RALYL: variants seen among roughly 807,000 people sequenced by gnomAD.
RALYL encodes the protein RNA-binding Raly-like protein.
RALYL carries 29 observed loss-of-function variants against 35.1 expected under a neutral mutation model. That is an observed-to-expected ratio of 0.83 (90% confidence interval 0.61 to 1.13). The LOEUF (loss-of-function observed/expected upper bound fraction) is 1.13. Ranked by LOEUF, RALYL falls within the 50% of genes most tolerant of loss-of-function variation. The pLI is 0.00. For missense variants in RALYL, 359 were observed against 360.4 expected (o/e 1.00, Z 0.03); for synonymous variants, 120 against 127.6 (o/e 0.94, Z 0.40).
At chr8:84,625,670 T>G (rs1822564971) in intron 2 of RALYL, among the ~76,000 whole-genome samples, 2 of 152,230 alleles carry the variant, frequency 1.3e-5, no homozygotes, top group Non-Finnish European at 2.9e-5. Flanking sequence ...TTAAGCAACT[T>G]GCCAACAATG....
rs561378623 is a variant in RALYL, at chr8:84,578,663, C to T, written c.256+49086C>T. Among the ~76,000 whole-genome samples, 14 of 152,148 alleles carry T rather than the reference C, an allele frequency of 9.2e-5. No individual in the cohort carries two copies. In the East Asian group the frequency reaches 2.7e-3, roughly 30 times the overall value. On this transcript the variant is annotated intron_variant, in intron 2 of 8. Coordinates refer to ENST00000521268, the MANE Select transcript of RALYL (RefSeq NM_173848.7). The stretch of plus-strand genomic sequence containing the variant: ...AGACCCAAAGTGGGTAGCTCCTATC[C>T]ACAGGCACGTTGTCCTGACAAGTCT...
chr8:84,379,668 A>G (rs1340454868), intron 1 of RALYL, among the ~76,000 whole-genome samples: 1 of 151,880 alleles, frequency 6.6e-6, no homozygotes, highest in African/African-American at 2.4e-5. Context: ...CAAACAAAAA[A>G]CAAAAACAAA....
At chr8:84,550,365 A>G (rs944677743) in intron 2 of RALYL, among the ~76,000 whole-genome samples, 2 of 152,112 alleles carry the variant, frequency 1.3e-5, no homozygotes, top group Admixed American at 1.3e-4. Context: ...AACAGTAAAG[A>G]TATTTTCTAA....
intron 1 of RALYL, among the ~76,000 whole-genome samples, chr8:84,295,739 G>C (rs1351991818): frequency 2.6e-5 from 4 of 152,084 alleles, no homozygotes; most frequent in Admixed American, 2.6e-4. Flanking sequence ...ATATGAAATA[G>C]TCATGTCAAA....
chr8:84,490,079 A>ATGTGTGTGTGTGTG (rs143193843), intron 1 of RALYL, among the ~76,000 whole-genome samples: 26 of 144,468 alleles, frequency 1.8e-4, no homozygotes, highest in South Asian at 1.4e-3. Context: ...GCTTGCGTGC[A>ATGTGTGTGTGTGTG]TGTGTGTGTG....
intron 5 of RALYL, among the ~76,000 whole-genome samples, chr8:84,851,223 C>T (rs56114129): frequency 0.4 from 60,280 of 151,838 alleles, 12,392 homozygotes; most frequent in East Asian, 0.63. Flanking sequence ...AATCAATGAA[C>T]AGCAAAAAAA....
chr8:84,820,209 A>C (rs1014409547), intron 4 of RALYL, among the ~76,000 whole-genome samples: 4 of 152,190 alleles, frequency 2.6e-5, no homozygotes, highest in African/African-American at 9.7e-5. Context: ...GGTTGTAGCA[A>C]TCCTCACCAT....
intron 1 of RALYL, among the ~76,000 whole-genome samples, chr8:84,206,974 C>A (rs1818203223): frequency 6.6e-6 from 1 of 152,084 alleles, no homozygotes; most frequent in Admixed American, 6.6e-5. Flanking sequence ...AATGAGATAT[C>A]ACCTCACCTA....
intron 1 of RALYL, among the ~76,000 whole-genome samples, chr8:84,469,431 G>A (rs1436639253): frequency 6.6e-6 from 1 of 152,292 alleles, no homozygotes; most frequent in South Asian, 2.1e-4. Context: ...CCCTGCTGGG[G>A]GGTGCCTCCC....
intron 8 of RALYL, among the ~76,000 whole-genome samples, chr8:84,896,973 C>T (rs868183198): frequency 6.6e-6 from 1 of 152,126 alleles, no homozygotes; most frequent in Non-Finnish European, 1.5e-5. Flanking sequence ...CCAAATACTA[C>T]ATGAAATGTA....
In RALYL at chr8:84,183,937, A is replaced by C. The variant is rs942836543; in HGVS notation, c.-511A>C. The C allele has an allele frequency of 6.6e-6, 1 of 152,240 alleles. No homozygotes were observed. Among genetic ancestry groups the C allele is most frequent in the South Asian group, 2.1e-4 (1 of 4,810 alleles). 9.4% of individuals were successfully genotyped at this position (152,240 alleles called of 1,614,324 possible). A position where few individuals can be genotyped will look rare whatever the true frequency, so the allele number is the denominator to read the frequency against. On this transcript the variant is annotated 5_prime_UTR_variant, in exon 1 of 9. Transcript: ENST00000521268. ...AGCATGTTTCTAACTCTTTTTTTGC[A>C]TACTCTTTTTCTGATAACATTTTTG...
chr8:84,630,514 GGAT>G (rs1823684426), intron 2 of RALYL, among the ~76,000 whole-genome samples: 1 of 152,002 alleles, frequency 6.6e-6, no homozygotes, highest in South Asian at 2.1e-4. Context: ...TAAGTGGGAA[GGAT>G]GATGCAGTTT....
intron 2 of RALYL, among the ~76,000 whole-genome samples, chr8:84,612,257 CA>C (rs2130894113): frequency 6.6e-6 from 1 of 151,892 alleles, no homozygotes; most frequent in Admixed American, 6.6e-5. Flanking sequence ...TTAAAAAAAA[CA>C]GCATGAAAAG....
At chr8:84,720,098 C>G (rs1843619836) in intron 2 of RALYL, among the ~76,000 whole-genome samples, 1 of 152,024 alleles carries the variant, frequency 6.6e-6, no homozygotes, top group Admixed American at 6.6e-5. Flanking sequence ...GGATTCCAAT[C>G]TTTTTTATGG....
intron 2 of RALYL, among the ~76,000 whole-genome samples, chr8:84,601,942 T>C (rs1164505065): frequency 6.6e-6 from 1 of 152,150 alleles, no homozygotes; most frequent in African/African-American, 2.4e-5. Context: ...TAGTCACACT[T>C]TATTTTCTCT....
At chr8:84,293,326 T>G (rs1839127809) in intron 1 of RALYL, among the ~76,000 whole-genome samples, 1 of 152,170 alleles carries the variant, frequency 6.6e-6, no homozygotes. Context: ...AGATGTTGGT[T>G]GCCTAGATGT....
At chr8:84,326,632 G>A (rs990409621) in intron 1 of RALYL, among the ~76,000 whole-genome samples, 1 of 152,008 alleles carries the variant, frequency 6.6e-6, no homozygotes, top group Non-Finnish European at 1.5e-5. Context: ...TATTTCTGCA[G>A]CAACATGTTT....
chr8:84,771,588 G>A (rs1815540940), intron 2 of RALYL, among the ~76,000 whole-genome samples: 1 of 151,966 alleles, frequency 6.6e-6, no homozygotes, highest in Admixed American at 6.6e-5. Context: ...AAATTCAATG[G>A]GTTTTATTTG....
At chr8:84,226,903 G>C (rs1425066040) in intron 1 of RALYL, among the ~76,000 whole-genome samples, 1 of 151,916 alleles carries the variant, frequency 6.6e-6, no homozygotes, top group East Asian at 1.9e-4. Context: ...TCTGTTAGTT[G>C]ATCTCAGCTG....
Sources: gnomAD v4.1 joint callset for allele counts (sites outside exome capture counted in the v4.1 genomes callset) on GRCh38, gnomAD v4.1.1 for gene constraint, MANE v1.5 for transcripts, NCBI Gene and HGNC (gene_info 2026-07-23, HGNC 2026-07-21) for gene names.